DNAAF11: variants seen among roughly 807,000 people sequenced by gnomAD.
DNAAF11 encodes the protein leucine rich repeat containing 6.
DNAAF11 carries 45 observed loss-of-function variants against 60.8 expected under a neutral mutation model. The ratio of observed to expected loss-of-function variants is 0.74; its 90% CI spans 0.58 to 0.95. DNAAF11 has a LOEUF of 0.95. DNAAF11 is among the 40% of genes least tolerant of loss of function. DNAAF11 has a pLI of 0.00. For synonymous variants in DNAAF11, 191 were observed against 183.5 expected (o/e 1.04, Z -0.33); for missense variants, 546 against 546.2 (o/e 1.00, Z 0.00).
At chr8:132,623,874 CA>C (rs964312341) in intron 6 of DNAAF11, among the ~76,000 whole-genome samples, 1 of 152,088 alleles carries the variant, frequency 6.6e-6, no homozygotes, top group African/African-American at 2.4e-5. Context: ...GAGTTAGGAA[CA>C]AAAGATTTCT....
Position 132,632,861 on chromosome 8 carries a change from G to C in DNAAF11, c.532C>G (p.Leu178Val). 1 of 1,613,538 alleles carries C rather than the reference G, an allele frequency of 6.2e-7. No individual in the cohort carries two copies. Among genetic ancestry groups the C allele is most frequent in the Non-Finnish European group, 8.5e-7 (1 of 1,179,590 alleles). ...QIREQEKDHC[L>V]KRAKLKEEAQ... ...TCTTCCTTGAGTTTGGCTCGTTTAAGACAGTGATCTTTTTCCTGCTCTCTG... is the reference window on the plus strand; with the variant it reads ...TCTTCCTTGAGTTTGGCTCGTTTAACACAGTGATCTTTTTCCTGCTCTCTG... The change falls in exon 5 of 12, where the codon CTT (leucine) becomes GTT (valine). Residue 178 changes from leucine (L) to valine (V), a missense_variant. Physicochemically the swap from Leu to Val is conservative, Grantham distance 32 (BLOSUM62 1). Transcript: ENST00000620350.
intron 3 of DNAAF11, among the ~76,000 whole-genome samples, chr8:132,655,974 T>TA (rs1264452783): frequency 1.3e-5 from 2 of 152,224 alleles, no homozygotes; most frequent in East Asian, 3.8e-4. Flanking sequence ...TATGCTGATT[T>TA]AAATGCAGGA....
chr8:132,573,437 A>G (rs2130935953), intron 11 of DNAAF11, among the ~76,000 whole-genome samples: 1 of 152,276 alleles, frequency 6.6e-6, no homozygotes, highest in African/African-American at 2.4e-5. Flanking sequence ...AGAATTAATG[A>G]CACTCTCATA....
chr8:132,619,304 G>C (rs1243485149), intron 7 of DNAAF11, among the ~76,000 whole-genome samples: 1 of 151,908 alleles, frequency 6.6e-6, no homozygotes, highest in Non-Finnish European at 1.5e-5. Context: ...GTTGTGGGGT[G>C]GGGGGATGGG....
intron 11 of DNAAF11, among the ~76,000 whole-genome samples, chr8:132,581,963 A>G (rs1436883879): frequency 6.6e-6 from 1 of 152,008 alleles, no homozygotes; most frequent in African/African-American, 2.4e-5. Context: ...GATGAATAAA[A>G]CCCTACTCCA....
the DNAAF11 span, among the ~76,000 whole-genome samples, chr8:132,690,914 A>G: frequency 2.0e-5 from 3 of 152,192 alleles, no homozygotes; most frequent in African/African-American, 7.2e-5. Flanking sequence ...TGGCCACATG[A>G]TGTGTCACTG....
At chr8:132,640,380 T>C (rs1025823391) in intron 3 of DNAAF11, among the ~76,000 whole-genome samples, 3 of 152,174 alleles carry the variant, frequency 2.0e-5, no homozygotes, top group African/African-American at 7.2e-5. Context: ...CAGATTCTGA[T>C]GATTTCCAAA....
upstream of DNAAF11, among the ~76,000 whole-genome samples, chr8:132,679,119 T>C (rs1825829069): frequency 6.6e-6 from 1 of 152,272 alleles, no homozygotes; most frequent in Non-Finnish European, 1.5e-5. Context: ...AGCCCAGTGA[T>C]ATTATTTTAC....
intron 11 of DNAAF11, among the ~76,000 whole-genome samples, chr8:132,578,999 C>T (rs1301208482): frequency 6.6e-6 from 1 of 152,244 alleles, no homozygotes; most frequent in East Asian, 1.9e-4. Context: ...TGCTCACCTC[C>T]ACAAGGCACT....
intron 4 of DNAAF11, 60 bp from the exon 5 acceptor site, chr8:132,633,023 C>T (rs1006593557): frequency 8.7e-7 from 1 of 1,146,390 alleles, no homozygotes; most frequent in Non-Finnish European, 1.3e-6. Context: ...GAATCAGCCC[C>T]AGGTTGATTT....
chr8:132,657,164 T>A (rs1165888038), intron 2 of DNAAF11, among the ~76,000 whole-genome samples: 1 of 152,156 alleles, frequency 6.6e-6, no homozygotes, highest in Non-Finnish European at 1.5e-5. Context: ...CAGTTAGGTT[T>A]AGCCAAGCTG....
chr8:132,612,583 G>A (rs78937999), intron 8 of DNAAF11, among the ~76,000 whole-genome samples: 53 of 152,210 alleles, frequency 3.5e-4, no homozygotes, highest in Non-Finnish European at 7.2e-4. Context: ...CTTGACAGCA[G>A]CCTTCTTCCT....
rs537166541 is a variant in DNAAF11 at position 132,657,717 on chromosome 8, A to G, written c.179-810T>C. On this transcript the variant is annotated intron_variant, in intron 2 of 11. Coordinates refer to ENST00000620350, the MANE Select transcript of DNAAF11 (RefSeq NM_012472.6). ...AAAAATAGTTAATAATACCATAGCA[A>G]CTATTGCTGAGTGCTTATCACATGT... is the stretch of plus-strand genomic sequence containing the variant. Among the ~76,000 whole-genome samples the G allele has an allele frequency of 1.8e-4, 28 of 152,260 alleles. 1 individual carries two copies. In the South Asian group the frequency reaches 5.8e-3, roughly 32 times the overall value.
At chr8:132,579,739 A>C (rs368948427) in intron 11 of DNAAF11, among the ~76,000 whole-genome samples, 1 of 152,330 alleles carries the variant, frequency 6.6e-6, no homozygotes, top group African/African-American at 2.4e-5. Flanking sequence ...TCGTGCCTGT[A>C]ATCCCAACAA....
intron 8 of DNAAF11, among the ~76,000 whole-genome samples, chr8:132,613,231 C>T (rs564081282): frequency 6.6e-6 from 1 of 152,272 alleles, no homozygotes; most frequent in Admixed American, 6.5e-5. Flanking sequence ...AGGAAGGGAC[C>T]ACACTAAGGC....
At chr8:132,601,226 C>A (rs1008006795) in intron 10 of DNAAF11, among the ~76,000 whole-genome samples, 6 of 152,148 alleles carry the variant, frequency 3.9e-5, no homozygotes, top group African/African-American at 1.4e-4. Context: ...CAATGAGATC[C>A]CATCTCACAC....
At chr8:132,585,532 G>A (rs985277115) in intron 10 of DNAAF11, among the ~76,000 whole-genome samples, 1 of 152,130 alleles carries the variant, frequency 6.6e-6, no homozygotes, top group African/African-American at 2.4e-5. Context: ...TTTTGCTGAA[G>A]CTCCAGAAGA....
At chr8:132,674,381 A>T (rs1237358579) in intron 1 of DNAAF11, among the ~76,000 whole-genome samples, 1 of 152,118 alleles carries the variant, frequency 6.6e-6, no homozygotes, top group Admixed American at 6.5e-5. Flanking sequence ...GCAGGCTGTC[A>T]GGTCTTCCAG....
At position 132,572,360 on chromosome 8, in the gene DNAAF11, T is replaced by C; in HGVS notation, c.1347A>G (p.Pro449=). 2 of 1,614,010 alleles carry C rather than the reference T, an allele frequency of 1.2e-6. No homozygotes were observed. The highest frequency in any genetic ancestry group is 1.7e-6 in the Non-Finnish European group (2 of 1,179,944). ...CTTCAAAGGTTGGGTCTTCCTCACT[T>C]GGTATAATTTTGGGTTCAGGTCGTC... ...PRRRPEPKII[P]SEEDPTFEDN... The change falls in exon 12 of 12, where the codon CCA becomes CCG. Residue 449 remains proline, a synonymous_variant. Coordinates refer to ENST00000620350, the MANE Select transcript of DNAAF11 (RefSeq NM_012472.6).
Sources: gnomAD v4.1 joint callset for allele counts (sites outside exome capture counted in the v4.1 genomes callset) on GRCh38, gnomAD v4.1.1 for gene constraint, MANE v1.5 for transcripts, NCBI Gene and HGNC (gene_info 2026-07-23, HGNC 2026-07-21) for gene names.